Variants in GPR149 observed in about 807,000 individuals in gnomAD.
GPR149 encodes probable G protein-coupled receptor 149.
A neutral mutation model predicts 50.2 loss-of-function variants in GPR149; 50 were observed. That is an observed-to-expected ratio of 1.00 (90% CI 0.79 to 1.26). The LOEUF (loss-of-function observed/expected upper bound fraction) is 1.26, where lower values mean the gene tolerates loss of function less well. Ranked by LOEUF, GPR149 falls within the 50% of genes most tolerant of loss-of-function variation. The probability of loss-of-function intolerance (pLI) is 0.00; values close to 1 mark genes in which losing one functional copy is unlikely to be tolerated. For missense variants in GPR149, 983 were observed against 895.4 expected, an observed-to-expected ratio of 1.10 and a Z score of -1.25; for synonymous variants, 405 against 358.2, an observed-to-expected ratio of 1.13 and a Z score of -1.48.
chr3:154,423,015 TCTATGA>T (rs143483068), intron 2 of GPR149, among the ~76,000 whole-genome samples: 2,368 of 151,984 alleles, frequency 0.016, 60 homozygotes, highest in African/African-American at 0.054. Context: ...AAAATTGATG[TCTATGA>T]CTATAATTTT....
Position 154,354,223 on chromosome 3 carries a change from C to T in GPR149, c.1624-15952G>A, listed in dbSNP as rs375279336. On this transcript the variant is annotated intron_variant, in intron 3 of 3. Coordinates refer to ENST00000389740, the MANE Select transcript of GPR149 (RefSeq NM_001038705.3). The stretch of plus-strand genomic sequence containing the variant: ...ATTTCTCATCTGGGTCATAATGGTG[C>T]CTTGACTTCCTTCTGTCACTCCAGC... 2.1e-3 allele frequency: 1,020 copies of T among 488,094 alleles called. 15 individuals carry two copies. The highest frequency in any genetic ancestry group is 0.014 in the Middle Eastern group (40 of 2,962). 30.2% of individuals were successfully genotyped at this position (488,094 alleles called of 1,614,324 possible). A position where few individuals can be genotyped will look rare whatever the true frequency, so the allele number is the denominator to read the frequency against.
intron 3 of GPR149, among the ~76,000 whole-genome samples, chr3:154,341,342 A>ATAT (rs1713796853): frequency 2.3e-5 from 2 of 87,480 alleles, no homozygotes; most frequent in African/African-American, 8.6e-5. Context: ...TATATATATA[A>ATAT]AATGAGTAGG....
chr3:154,395,185 A>C (rs1468842576), intron 3 of GPR149, among the ~76,000 whole-genome samples: 1 of 151,996 alleles, frequency 6.6e-6, no homozygotes, highest in African/African-American at 2.4e-5. Context: ...TACTGACCAA[A>C]AAAAGCAATA....
At chr3:154,356,886 A>C (rs1168621952) in intron 3 of GPR149, among the ~76,000 whole-genome samples, 9 of 152,244 alleles carry the variant, frequency 5.9e-5, no homozygotes, top group Admixed American at 6.5e-5. Context: ...CAATCCTAAG[A>C]CAAAAGAACA....
chr3:154,341,929 A>G (rs541426755), intron 3 of GPR149, among the ~76,000 whole-genome samples: 13 of 152,350 alleles, frequency 8.5e-5, no homozygotes, highest in African/African-American at 2.6e-4. Context: ...CAAAATAAGC[A>G]GGGTAATTAT....
chr3:154,345,123 C>G (rs1713892421), intron 3 of GPR149, among the ~76,000 whole-genome samples: 1 of 152,086 alleles, frequency 6.6e-6, no homozygotes, highest in Non-Finnish European at 1.5e-5. Flanking sequence ...ATGACAGGCC[C>G]TCAAAAATAT....
At chr3:154,422,508 G>GA (rs535692506) in intron 2 of GPR149, among the ~76,000 whole-genome samples, 3 of 151,480 alleles carry the variant, frequency 2.0e-5, no homozygotes, top group Admixed American at 2.0e-4. Context: ...ATCTTCGATA[G>GA]AAAAAAATGT....
chr3:154,358,579 T>C (rs1714302660), intron 3 of GPR149, among the ~76,000 whole-genome samples: 1 of 152,154 alleles, frequency 6.6e-6, no homozygotes. Flanking sequence ...CCTTCCAAAA[T>C]ATATGAAATC....
intron 3 of GPR149, among the ~76,000 whole-genome samples, chr3:154,370,915 T>C (rs146382457): frequency 6.6e-6 from 1 of 152,294 alleles, no homozygotes; most frequent in African/African-American, 2.4e-5. Flanking sequence ...GAGGGACATA[T>C]TAGCCAAAGC....
At chr3:154,352,435 T>C in intron 3 of GPR149, 1 of 864,432 alleles carries the variant, frequency 1.2e-6, no homozygotes, top group Admixed American at 1.7e-5. Flanking sequence ...TCTGATTCAG[T>C]TGTAGGAACA....
At chr3:154,418,017 C>T (rs1712034891) in intron 3 of GPR149, among the ~76,000 whole-genome samples, 1 of 151,374 alleles carries the variant, frequency 6.6e-6, no homozygotes, top group Admixed American at 6.6e-5. Context: ...CATGAACAGA[C>T]ACTTCTCAAA....
rs761124309 is a variant in GPR149, at chr3:154,427,607, A to G, written c.1083T>C (p.Phe361=). Residue 361 remains phenylalanine, a synonymous_variant, in exon 2 of 4, where the codon TTT becomes TTC. Transcript: ENST00000389740. ...TLLATTVTPV[F]VLSKRWTHLP... ...AGTGGGTCCAGCGTTTGGACAAGACAAACACTGGGGTTACAGTGGTGGCCA... is the reference window on the plus strand; with the variant it reads ...AGTGGGTCCAGCGTTTGGACAAGACGAACACTGGGGTTACAGTGGTGGCCA... The G allele has an allele frequency of 6.2e-7, 1 of 1,614,216 alleles. No homozygotes were observed. Among genetic ancestry groups the G allele is most frequent in the Non-Finnish European group, 8.5e-7 (1 of 1,180,032 alleles).
Position 154,428,980 on chromosome 3 carries a change from G to C in GPR149, c.636C>G (p.Leu212=). Residue 212 remains leucine, a synonymous_variant, in exon 1 of 4, where the codon CTC becomes CTG. Transcript: ENST00000389740. The part of the protein sequence containing the change: ...FGLLVGLSVP[L]THRLLCSEEP... ...CCTCCGAACACAGCAATCGGTGAGT[G>C]AGTGGGACTGAGAGGCCCACGAGGA... 2.5e-6 allele frequency: 4 copies of C among 1,614,062 alleles called. No individual in the cohort carries two copies. Among genetic ancestry groups the C allele is most frequent in the Non-Finnish European group, 3.4e-6 (4 of 1,179,998 alleles).
intron 3 of GPR149, among the ~76,000 whole-genome samples, chr3:154,348,307 C>T (rs1027425630): frequency 6.6e-6 from 1 of 152,082 alleles, no homozygotes; most frequent in African/African-American, 2.4e-5. Context: ...AATTAAAAGC[C>T]AGACATTGGC....
At chr3:154,400,605 A>C (rs1362707827) in intron 3 of GPR149, among the ~76,000 whole-genome samples, 1 of 150,510 alleles carries the variant, frequency 6.6e-6, no homozygotes, top group Non-Finnish European at 1.5e-5. Context: ...GAAATCCCAG[A>C]GCCTCCCCTG....
intron 3 of GPR149, among the ~76,000 whole-genome samples, chr3:154,396,663 A>T (rs568901770): frequency 6.6e-6 from 1 of 152,152 alleles, no homozygotes; most frequent in South Asian, 2.1e-4. Flanking sequence ...GCTTGATATC[A>T]ACAAAATATT....
chr3:154,423,902 G>A (rs1277832312), intron 2 of GPR149, among the ~76,000 whole-genome samples: 8 of 151,726 alleles, frequency 5.3e-5, no homozygotes, highest in African/African-American at 1.9e-4. Context: ...ACAACGTGCA[G>A]ATTTGTTACA....
chr3:154,429,358 G>A lies in GPR149; in HGVS notation c.258C>T (p.Thr86=). 1 of 1,614,150 alleles carries A rather than the reference G, an allele frequency of 6.2e-7. No individual in the cohort carries two copies. The highest frequency in any genetic ancestry group is 2.2e-5 in the East Asian group (1 of 44,872). ...TTGGCCACTGCAAAAACATGAAGATGGTCACCGACAGGACGCTCATGAGAT... is the reference window on the plus strand; with the variant it reads ...TTGGCCACTGCAAAAACATGAAGATAGTCACCGACAGGACGCTCATGAGAT... ...VDDLMSVLSV[T]IFMFLQWPNE... Residue 86 remains threonine, a synonymous_variant, in exon 1 of 4, where the codon ACC becomes ACT. Coordinates refer to ENST00000389740, the MANE Select transcript of GPR149 (RefSeq NM_001038705.3).
rs1311460263 is a variant in GPR149 at position 154,335,214 on chromosome 3, A to G, written c.*2485T>C. Reference sequence around the variant, plus strand: ...ACTATACAAAATATAGTATTTATTAATAAGAAGAACAATATAACTATACAA... The same window carrying G: ...ACTATACAAAATATAGTATTTATTAGTAAGAAGAACAATATAACTATACAA... On this transcript the variant is annotated 3_prime_UTR_variant, in exon 4 of 4. Coordinates refer to ENST00000389740, the MANE Select transcript of GPR149 (RefSeq NM_001038705.3). 1 of 152,192 alleles carries G rather than the reference A, an allele frequency of 6.6e-6. No homozygotes were observed. Among genetic ancestry groups the G allele is most frequent in the Non-Finnish European group, 1.5e-5 (1 of 68,024 alleles). The allele number at this position is 152,192 out of a possible 1,614,324, so 9.4% of individuals were successfully genotyped here.
Sources: allele counts gnomAD v4.1 joint callset (sites outside exome capture counted in the v4.1 genomes callset), GRCh38; gene constraint gnomAD v4.1.1; transcripts MANE v1.5; gene names NCBI Gene and HGNC (gene_info 2026-07-23, HGNC 2026-07-21).